CEACAM20: variants seen among roughly 807,000 people sequenced by gnomAD.
CEACAM20 encodes the protein CEA cell adhesion molecule 20, also known as cell adhesion molecule CEACAM20.
A neutral mutation model predicts 61.2 loss-of-function variants in CEACAM20; 50 were observed. The ratio of observed to expected loss-of-function variants is 0.82; its 90% CI spans 0.65 to 1.03. The LOEUF (loss-of-function observed/expected upper bound fraction) is 1.03, where lower values mean the gene tolerates loss of function less well. Ranked by LOEUF, CEACAM20 falls within the 50% of genes least tolerant of loss-of-function variation. The pLI is 0.00. For missense variants in CEACAM20, 683 were observed against 736.4 expected, an observed-to-expected ratio of 0.93 and a Z score of 0.84; for synonymous variants, 282 against 287.7, an observed-to-expected ratio of 0.98 and a Z score of 0.20.
Position 44,525,955 on chromosome 19 carries a change from C to T in CEACAM20, c.53-711G>A, listed in dbSNP as rs575320356. 2.0e-5 allele frequency among the ~76,000 whole-genome samples: 3 copies of T among 152,264 alleles called. No homozygotes were observed. The South Asian group carries it at 6.2e-4, about 32-fold the overall frequency. ...TCCACATAGAGAAAAAACCGATGCTCAGAGAGGTGATGTCACTCACCAAGA... is the reference window on the plus strand; with the variant it reads ...TCCACATAGAGAAAAAACCGATGCTTAGAGAGGTGATGTCACTCACCAAGA... On this transcript the variant is annotated intron_variant, in intron 1 of 11. Transcript: ENST00000614924.
chr19:44,519,397 A>T (rs1434084553), intron 5 of CEACAM20, among the ~76,000 whole-genome samples: 2 of 152,194 alleles, frequency 1.3e-5, no homozygotes, highest in African/African-American at 4.8e-5. Flanking sequence ...ATTGAAAAGG[A>T]AAGAGGAGTG....
rs577882114 is a variant in CEACAM20 at position 44,520,911 on chromosome 19, G to T, written c.752-159C>A. The stretch of plus-strand genomic sequence containing the variant: ...GATTTGCATAATGCTGGTGTGCGGG[G>T]TACGTGTATGTCTTTTGTGGATGAA... On this transcript the variant is annotated intron_variant, in intron 4 of 11. Coordinates refer to ENST00000614924, the MANE Select transcript of CEACAM20 (RefSeq NM_001102597.3). Among the ~76,000 whole-genome samples, 3 of 152,134 alleles carry T rather than the reference G, an allele frequency of 2.0e-5. No individual in the cohort carries two copies. The South Asian group carries it at 6.2e-4, about 32-fold the overall frequency.
intron 6 of CEACAM20, among the ~76,000 whole-genome samples, chr19:44,514,313 CA>C (rs1971092389): frequency 6.6e-6 from 1 of 152,188 alleles, no homozygotes. Flanking sequence ...GAACCTCTCT[CA>C]AAAGGGTGGA....
intron 7 of CEACAM20, 27 bp downstream of exon 7, chr19:44,513,145 A>ATCCCCC (rs778391010): frequency 1.6e-5 from 25 of 1,557,476 alleles, no homozygotes; most frequent in Non-Finnish European, 2.1e-5. Context: ...CCCCATCCCC[A>ATCCCCC]TCCCCCTCCC....
intron 11 of CEACAM20, among the ~76,000 whole-genome samples, chr19:44,509,753 T>C (rs1438123862): frequency 6.7e-6 from 1 of 149,586 alleles, no homozygotes; most frequent in Non-Finnish European, 1.5e-5. Flanking sequence ...AAGGGAAGGG[T>C]ATGGAGAAGA....
At chr19:44,513,408 C>G in intron 6 of CEACAM20, 119 bp from the exon 7 acceptor site, 3 of 524,782 alleles carry the variant, frequency 5.7e-6, no homozygotes, top group Non-Finnish European at 1.0e-5. Context: ...GTTTTCCAGT[C>G]GTTGGGAGGT....
Position 44,517,214 on chromosome 19 carries a change from G to A in CEACAM20, c.1041C>T (p.Asp347=), listed in dbSNP as rs776918099. The change falls in exon 6 of 12, where the codon GAC becomes GAT. Residue 347 remains aspartate (D), a synonymous_variant. Transcript: ENST00000614924. Reference sequence around the variant, plus strand: ...CCGACTCCCTGGTGATGTGCACTTGGTCAGGACCATCTGTGTGTAAAGCCA... The same window carrying A: ...CCGACTCCCTGGTGATGTGCACTTGATCAGGACCATCTGTGTGTAAAGCCA... ...PLELTINYGP[D]QVHITRESAS... is the part of the protein sequence containing the mutation. 1.2e-5 allele frequency: 19 copies of A among 1,605,604 alleles called. No homozygotes were observed. The highest frequency in any genetic ancestry group is 1.6e-4 in the Middle Eastern group (1 of 6,082).
At chr19:44,507,736 A>G (rs1970859535) in intron 11 of CEACAM20, among the ~76,000 whole-genome samples, 1 of 152,194 alleles carries the variant, frequency 6.6e-6, no homozygotes, top group Non-Finnish European at 1.5e-5. Flanking sequence ...AGATATTAAT[A>G]TATGAAACAT....
intron 11 of CEACAM20, among the ~76,000 whole-genome samples, chr19:44,510,614 GGAAGGAAGGA>G (rs1162260295): frequency 1.2e-5 from 1 of 80,778 alleles, no homozygotes; most frequent in African/African-American, 5.8e-5. Context: ...GAAAGAAAAA[GGAAGGAAGGA>G]AGAAAGAAAG....
rs1970985355 is a variant in CEACAM20, at chr19:44,511,115, C to A, written c.1652G>T (p.Ser551Ile). The A allele has an allele frequency of 1.2e-6, 2 of 1,613,932 alleles. No individual in the cohort carries two copies. Among genetic ancestry groups the A allele is most frequent in the African/African-American group, 1.3e-5 (1 of 75,024 alleles). ...AGGTTTGGGTGGTGGCTTCCAGGGGCTGAAAGAATTGCCTCTACGGCTTGC... is the reference window on the plus strand; with the variant it reads ...AGGTTTGGGTGGTGGCTTCCAGGGGATGAAAGAATTGCCTCTACGGCTTGC... ...PSASRRGNSFSPWKPPPKPLM... is the reference protein window; with the variant it reads ...PSASRRGNSFIPWKPPPKPLM... The change falls in exon 11 of 12, where the codon AGC (serine) becomes ATC (isoleucine). Residue 551 changes from serine (S) to isoleucine (I), a missense_variant. Physicochemically the swap from Ser to Ile is moderately radical, Grantham distance 142 (BLOSUM62 -2). Coordinates refer to ENST00000614924, the MANE Select transcript of CEACAM20 (RefSeq NM_001102597.3).
chr19:44,514,308 T>C (rs1244163885), intron 6 of CEACAM20, among the ~76,000 whole-genome samples: 2 of 152,150 alleles, frequency 1.3e-5, no homozygotes, highest in Non-Finnish European at 2.9e-5. Context: ...TGCCTGAACC[T>C]CTCTCAAAAG....
In CEACAM20 at chr19:44,518,550, G is replaced by A. The variant is rs28661823; in HGVS notation, c.1031-1326C>T. 5.8e-3 allele frequency among the ~76,000 whole-genome samples: 885 copies of A among 151,938 alleles called. 13 individuals carry two copies. Among genetic ancestry groups the A allele is most frequent in the African/African-American group, 0.02 (837 of 41,414 alleles). The stretch of plus-strand genomic sequence containing the variant: ...GTTCAGGGATTCAAGACCAGCCTAC[G>A]CAACATAGTAAGACCCTGTCTCTAT... On this transcript the variant is annotated intron_variant, in intron 5 of 11. Coordinates refer to ENST00000614924, the MANE Select transcript of CEACAM20 (RefSeq NM_001102597.3).
At chr19:44,519,631 A>G (rs1473516199) in intron 5 of CEACAM20, among the ~76,000 whole-genome samples, 3 of 152,058 alleles carry the variant, frequency 2.0e-5, no homozygotes, top group Non-Finnish European at 2.9e-5. Context: ...CTTTCACCTA[A>G]TATCAGTCAG....
At chr19:44,523,266 C>T (rs1057112456) in intron 3 of CEACAM20, among the ~76,000 whole-genome samples, 3 of 151,868 alleles carry the variant, frequency 2.0e-5, no homozygotes, top group Non-Finnish European at 4.4e-5. Context: ...AAAATTAGCC[C>T]GGTGCAATGG....
chr19:44,525,616 T>C (rs1215526212), intron 1 of CEACAM20, among the ~76,000 whole-genome samples: 3 of 152,140 alleles, frequency 2.0e-5, no homozygotes, highest in Non-Finnish European at 4.4e-5. Flanking sequence ...CTAATTTTTG[T>C]ATTTTTAGTA....
At position 44,525,089 on chromosome 19, in the gene CEACAM20, T is replaced by C. The variant is rs369468551; in HGVS notation, c.196+12A>G. The stretch of plus-strand genomic sequence containing the variant: ...AGAGATCAGAATGACCGTCTTGTTT[T>C]CTGGCCCCTACCTCTGGATCTGCCA... On this transcript the variant is annotated intron_variant, in intron 2 of 11. Transcript: ENST00000614924. 2.0e-5 allele frequency: 32 copies of C among 1,609,338 alleles called. No homozygotes were observed. Among genetic ancestry groups the C allele is most frequent in the Non-Finnish European group, 2.5e-5 (30 of 1,178,032 alleles).
chr19:44,518,105 AG>A (rs879374046), intron 5 of CEACAM20, among the ~76,000 whole-genome samples: 11,133 of 52,996 alleles, frequency 0.21, 1,212 homozygotes, highest in East Asian at 0.54. Flanking sequence ...AAAGAAAGAA[AG>A]GAAGGAAGGA....
chr19:44,508,698 T>C (rs1970887681), intron 11 of CEACAM20, among the ~76,000 whole-genome samples: 1 of 152,188 alleles, frequency 6.6e-6, no homozygotes, highest in Non-Finnish European at 1.5e-5. Flanking sequence ...CCCAGTTTTC[T>C]TCTTTTTGAA....
At chr19:44,517,703 A>G (rs974723333) in intron 5 of CEACAM20, among the ~76,000 whole-genome samples, 1 of 151,210 alleles carries the variant, frequency 6.6e-6, no homozygotes, top group Non-Finnish European at 1.5e-5. Context: ...TCTCAAAAAA[A>G]AAAAAAAAAG....
Sources: gnomAD v4.1 joint callset for allele counts (sites outside exome capture counted in the v4.1 genomes callset) on GRCh38, gnomAD v4.1.1 for gene constraint, MANE v1.5 for transcripts, NCBI Gene and HGNC (gene_info 2026-07-23, HGNC 2026-07-21) for gene names.